PRELID2: variants seen among roughly 807,000 people sequenced by gnomAD.
The protein encoded by PRELID2 is PRELI domain-containing protein 2.
PRELID2 carries 25 observed loss-of-function variants against 28.4 expected under a neutral mutation model. That is an observed-to-expected ratio of 0.88 (90% CI 0.64 to 1.23). The LOEUF (loss-of-function observed/expected upper bound fraction) is 1.23. Ranked by LOEUF, PRELID2 falls within the 50% of genes most tolerant of loss-of-function variation. The pLI is 0.00. For synonymous variants in PRELID2, 76 were observed against 71.6 expected (o/e 1.06, Z -0.31); for missense variants, 201 against 214.4 (o/e 0.94, Z 0.39).
intron 1 of PRELID2, among the ~76,000 whole-genome samples, chr5:145,694,082 G>C (rs570215713): frequency 6.6e-6 from 1 of 152,110 alleles, no homozygotes; most frequent in Non-Finnish European, 1.5e-5. Flanking sequence ...TAAAATGAGG[G>C]CAAATACTAG....
chr5:145,320,790 T>C, the PRELID2 span, among the ~76,000 whole-genome samples: 1 of 152,186 alleles, frequency 6.6e-6, no homozygotes, highest in Non-Finnish European at 1.5e-5. Context: ...TTTATTGTTA[T>C]TGTGTTTGGT....
chr5:145,546,094 C>T (rs58833751), intron 1 of PRELID2, among the ~76,000 whole-genome samples: 2 of 152,072 alleles, frequency 1.3e-5, no homozygotes, highest in African/African-American at 2.4e-5. Flanking sequence ...ATGCAGATTT[C>T]CAGGCCTCAC....
chr5:145,364,189 A>C, the PRELID2 span, among the ~76,000 whole-genome samples: 4 of 152,004 alleles, frequency 2.6e-5, no homozygotes, highest in Admixed American at 2.0e-4. Context: ...TATTTGGCTT[A>C]AAATAAACAC....
intron 1 of PRELID2, among the ~76,000 whole-genome samples, chr5:145,697,419 G>A (rs75108470): frequency 0.046 from 7,017 of 152,032 alleles, 575 homozygotes; most frequent in African/African-American, 0.16. Flanking sequence ...TGGCTCCAAA[G>A]CCTATGTGTA....
At chr5:145,254,193 A>T in the PRELID2 span, among the ~76,000 whole-genome samples, 1 of 152,192 alleles carries the variant, frequency 6.6e-6, no homozygotes, top group Admixed American at 6.6e-5. Context: ...ATATTTATTC[A>T]TACATATCAT....
At chr5:145,696,846 GAATT>G (rs937165022) in intron 1 of PRELID2, among the ~76,000 whole-genome samples, 8 of 151,432 alleles carry the variant, frequency 5.3e-5, no homozygotes, top group African/African-American at 1.7e-4. Context: ...ATCAATAAAA[GAATT>G]AATTCTTTAA....
At chr5:145,636,188 T>C (rs1181254827) in intron 1 of PRELID2, among the ~76,000 whole-genome samples, 1 of 152,248 alleles carries the variant, frequency 6.6e-6, no homozygotes, top group Non-Finnish European at 1.5e-5. Context: ...ATACCCAATG[T>C]AGAGATGACA....
intron 1 of PRELID2, among the ~76,000 whole-genome samples, chr5:145,696,715 C>G (rs111535942): frequency 6.6e-6 from 1 of 151,900 alleles, no homozygotes. Context: ...CTGCCCACCT[C>G]GGCCTCCCAA....
At chr5:145,633,330 T>A (rs1037977606) in intron 1 of PRELID2, among the ~76,000 whole-genome samples, 3 of 152,166 alleles carry the variant, frequency 2.0e-5, no homozygotes. Context: ...TGTTCTAGAA[T>A]CAAGTTACTC....
the PRELID2 span, among the ~76,000 whole-genome samples, chr5:145,386,531 T>C: frequency 1.3e-5 from 2 of 152,104 alleles, no homozygotes; most frequent in African/African-American, 4.8e-5. Flanking sequence ...TCCATCATGA[T>C]TGTAAGTTTC....
chr5:145,395,833 C>A, the PRELID2 span, among the ~76,000 whole-genome samples: 1 of 152,102 alleles, frequency 6.6e-6, no homozygotes, highest in Non-Finnish European at 1.5e-5. Flanking sequence ...GCTCAGCCAG[C>A]CACTCATGTT....
At chr5:145,663,788 A>T (rs986293973) in intron 1 of PRELID2, among the ~76,000 whole-genome samples, 3 of 152,060 alleles carry the variant, frequency 2.0e-5, no homozygotes, top group Non-Finnish European at 4.4e-5. Flanking sequence ...CTCATTTGTA[A>T]AACTGGCAAG....
At chr5:145,245,413 A>AAGAGAGAG in the PRELID2 span, among the ~76,000 whole-genome samples, 20 of 148,168 alleles carry the variant, frequency 1.3e-4, no homozygotes, top group Admixed American at 2.7e-4. Flanking sequence ...AAGAAAGAGA[A>AAGAGAGAG]AGAGAGAGAG....
intron 1 of PRELID2, among the ~76,000 whole-genome samples, chr5:145,666,213 T>G (rs2149680217): frequency 6.6e-6 from 1 of 152,172 alleles, no homozygotes; most frequent in South Asian, 2.1e-4. Context: ...AAAAAGAGAT[T>G]TCTTTCCTAA....
At chr5:145,518,140 TA>T (rs1375788159) in intron 1 of PRELID2, among the ~76,000 whole-genome samples, 683 of 27,644 alleles carry the variant, frequency 0.025, 8 homozygotes, top group African/African-American at 0.14. Flanking sequence ...TGAAGTATAA[TA>T]ATAATAATAA....
chr5:145,493,354 A>T (rs971364665), intron 1 of PRELID2, among the ~76,000 whole-genome samples: 16 of 152,084 alleles, frequency 1.1e-4, no homozygotes, highest in East Asian at 7.7e-4. Context: ...CAAAGTCCCC[A>T]TCCAGTTTTT....
chr5:145,335,261 C>G, the PRELID2 span, among the ~76,000 whole-genome samples: 1 of 151,776 alleles, frequency 6.6e-6, no homozygotes, highest in South Asian at 2.1e-4. Flanking sequence ...GAAGCTTTCT[C>G]TTGCATTTTT....
chr5:145,246,107 G>A, the PRELID2 span, among the ~76,000 whole-genome samples: 5 of 151,960 alleles, frequency 3.3e-5, no homozygotes, highest in East Asian at 3.9e-4. Context: ...GAAGAAATTC[G>A]ATTAACAACA....
the PRELID2 span, among the ~76,000 whole-genome samples, chr5:145,298,081 G>C: frequency 1.3e-5 from 2 of 152,046 alleles, no homozygotes; most frequent in African/African-American, 4.8e-5. Flanking sequence ...TCCCCATCAA[G>C]CTACCAACGA....
Sources: allele counts gnomAD v4.1 joint callset (sites outside exome capture counted in the v4.1 genomes callset), GRCh38; gene constraint gnomAD v4.1.1; transcripts MANE v1.5; gene names NCBI Gene and HGNC (gene_info 2026-07-23, HGNC 2026-07-21).